The following PCDH15 variants were observed in gnomAD, a reference collection of about 807,000 sequenced individuals.
PCDH15 encodes the protein protocadherin-15.
Under a neutral mutation model 178.5 loss-of-function variants are expected in PCDH15, and 129 were observed. The observed-to-expected ratio is 0.72, with a 90% CI of 0.63 to 0.84. The LOEUF (loss-of-function observed/expected upper bound fraction) is 0.84, where lower values mean the gene tolerates loss of function less well. PCDH15 is among the 40% of genes least tolerant of loss of function. The pLI, the probability that PCDH15 is intolerant of heterozygous loss-of-function variation, is 0.00. For missense variants in PCDH15, 2,230 were observed against 2,099.9 expected (o/e 1.06, Z -1.21); for synonymous variants, 800 against 732.0 (o/e 1.09, Z -1.50).
Position 54,329,700 on chromosome 10 carries a change from T to C in PCDH15, c.601A>G (p.Asn201Asp), listed in dbSNP as rs546661123. ...IQYNPDDPTS[N>D]DTFEIPLMLT... ...ATTAGGGGAATTTCAAAGGTGTCAT[T>C]GGATGTCTGCAAATATTAAAGATAC... Residue 201 changes from asparagine to aspartate, a missense_variant, in exon 7 of 38, where the codon AAT becomes GAT. By Grantham distance (23) the Asn-to-Asp change is conservative. Transcript: ENST00000644397. The C allele has an allele frequency of 1.3e-6, 2 of 1,564,170 alleles. No individual in the cohort carries two copies. The highest frequency in any genetic ancestry group is 2.2e-5 in the South Asian group (2 of 90,120).
chr10:54,220,825 AAAAT>A (rs10595887), intron 9 of PCDH15, among the ~76,000 whole-genome samples: 41,210 of 142,912 alleles, frequency 0.29, 6,093 homozygotes, highest in Admixed American at 0.32. Context: ...ACTCCGTCTC[AAAAT>A]AAATAAATAA....
chr10:55,537,906 T>G (rs997316989), intron 2 of PCDH15, among the ~76,000 whole-genome samples: 7 of 152,226 alleles, frequency 4.6e-5, no homozygotes, highest in African/African-American at 1.7e-4. Flanking sequence ...ATTTGTTCTA[T>G]CTATAAAATA....
At chr10:54,823,752 C>G (rs150774828) in intron 3 of PCDH15, among the ~76,000 whole-genome samples, 145 of 152,110 alleles carry the variant, frequency 9.5e-4, no homozygotes, top group African/African-American at 2.6e-3. Flanking sequence ...TGAAGGCTTA[C>G]TCCAGCATGT....
In PCDH15 at chr10:54,020,385, G is replaced by A; in HGVS notation, c.2558C>T (p.Ser853Phe). ...CACTTCTGGGCTTCTTATCCGGTAA[G>A]ACACATTTGCTCCAAGGTCGACATC... ...AKDVDLGANV[S>F]YRIRSPEVKH... The change falls in exon 20 of 38, where the codon TCT (serine) becomes TTT (phenylalanine). Residue 853 changes from serine to phenylalanine, a missense_variant. Coordinates refer to ENST00000644397, the MANE Select transcript of PCDH15 (RefSeq NM_001384140.1). The A allele has an allele frequency of 6.2e-7, 1 of 1,613,784 alleles. No individual in the cohort carries two copies. Among genetic ancestry groups the A allele is most frequent in the Non-Finnish European group, 8.5e-7 (1 of 1,179,774 alleles).
intron 2 of PCDH15, among the ~76,000 whole-genome samples, chr10:54,547,410 C>T (rs2085983606): frequency 6.6e-6 from 1 of 152,028 alleles, no homozygotes; most frequent in Non-Finnish European, 1.5e-5. Context: ...AATAATACTA[C>T]AATAAAATGA....
At chr10:54,398,983 G>A (rs534474547) in intron 3 of PCDH15, among the ~76,000 whole-genome samples, 1 of 152,202 alleles carries the variant, frequency 6.6e-6, no homozygotes, top group Admixed American at 6.5e-5. Flanking sequence ...TTCTGCCACA[G>A]TAAACTGTCT....
chr10:55,084,398 C>A (rs779228936), intron 2 of PCDH15, among the ~76,000 whole-genome samples: 1 of 150,042 alleles, frequency 6.7e-6, no homozygotes, highest in Non-Finnish European at 1.5e-5. Context: ...AGACCCCTAT[C>A]TCTTGCCATA....
intron 2 of PCDH15, chr10:54,600,650 T>C (rs1257159682): frequency 3.5e-6 from 2 of 573,866 alleles, no homozygotes; most frequent in Non-Finnish European, 6.7e-6. Context: ...TCACTTCACA[T>C]GCCGTAATAA....
intron 26 of PCDH15, among the ~76,000 whole-genome samples, chr10:53,884,803 A>G (rs1415731894): frequency 6.6e-6 from 1 of 152,156 alleles, no homozygotes; most frequent in African/African-American, 2.4e-5. Flanking sequence ...AGATAATTCA[A>G]TGATTTAATT....
At chr10:54,231,982 T>C (rs972224936) in intron 9 of PCDH15, among the ~76,000 whole-genome samples, 2 of 152,226 alleles carry the variant, frequency 1.3e-5, no homozygotes, top group Non-Finnish European at 2.9e-5. Context: ...CAGTTAATTC[T>C]GAAATCAGTT....
At chr10:55,465,385 G>A (rs1386175958) in intron 2 of PCDH15, among the ~76,000 whole-genome samples, 2 of 152,156 alleles carry the variant, frequency 1.3e-5, no homozygotes, top group African/African-American at 4.8e-5. Context: ...TACATGCACA[G>A]GTGTATTGTA....
At chr10:54,249,810 A>G (rs543818646) in intron 8 of PCDH15, among the ~76,000 whole-genome samples, 1 of 152,260 alleles carries the variant, frequency 6.6e-6, no homozygotes, top group African/African-American at 2.4e-5. Context: ...TGAATAGTAA[A>G]GACTTAATAC....
chr10:54,811,263 C>T (rs1180027194), intron 3 of PCDH15, among the ~76,000 whole-genome samples: 2 of 151,724 alleles, frequency 1.3e-5, no homozygotes, highest in African/African-American at 2.4e-5. Context: ...AAATATTTTT[C>T]CTGAGAAAAA....
intron 3 of PCDH15, among the ~76,000 whole-genome samples, chr10:54,393,828 T>A (rs1228638706): frequency 1.3e-5 from 2 of 152,280 alleles, no homozygotes; most frequent in African/African-American, 4.8e-5. Flanking sequence ...AAGTTTCTCA[T>A]TATATACAAC....
chr10:54,674,476 T>G (rs2094742844), intron 1 of PCDH15, among the ~76,000 whole-genome samples: 2 of 152,118 alleles, frequency 1.3e-5, no homozygotes, highest in Admixed American at 1.3e-4. Context: ...ACTCAAAGTC[T>G]AATACAGAAA....
At chr10:54,172,692 T>C (rs1160861613) in intron 13 of PCDH15, among the ~76,000 whole-genome samples, 1 of 152,214 alleles carries the variant, frequency 6.6e-6, no homozygotes, top group Non-Finnish European at 1.5e-5. Context: ...GTCAAATATC[T>C]AGTAAACCAG....
intron 3 of PCDH15, among the ~76,000 whole-genome samples, chr10:54,465,219 T>C (rs1363776036): frequency 6.6e-6 from 1 of 152,106 alleles, no homozygotes; most frequent in East Asian, 1.9e-4. Context: ...TCATAGTATT[T>C]ATTCCCTAGA....
At chr10:54,990,870 T>G (rs1839482490) in intron 2 of PCDH15, among the ~76,000 whole-genome samples, 1 of 152,154 alleles carries the variant, frequency 6.6e-6, no homozygotes, top group African/African-American at 2.4e-5. Flanking sequence ...ACTGTTTTAG[T>G]TTTCTCATAG....
At position 53,840,411 on chromosome 10, in the gene PCDH15, A is replaced by G. The variant is rs1369514355; in HGVS notation, c.3892T>C (p.Phe1298Leu). 2 of 1,614,048 alleles carry G rather than the reference A, an allele frequency of 1.2e-6. No individual in the cohort carries two copies. The highest frequency in any genetic ancestry group is 2.2e-5 in the South Asian group (2 of 91,082). ...CATTTGGTGTAATCTTCTAGGGAAAAGGCATCTCCATGCCGGCGAGCTCCA... is the reference window on the plus strand; with the variant it reads ...CATTTGGTGTAATCTTCTAGGGAAAGGGCATCTCCATGCCGGCGAGCTCCA... ...SIGARRHGDA[F>L]SLEDYTKCDL... is the part of the protein sequence containing the mutation. The change falls in exon 29 of 38, where the codon TTT (phenylalanine) becomes CTT (leucine). Residue 1298 changes from phenylalanine to leucine, a missense_variant. Physicochemically the swap from Phe to Leu is conservative, Grantham distance 22. Coordinates refer to ENST00000644397, the MANE Select transcript of PCDH15 (RefSeq NM_001384140.1).
Sources: allele counts gnomAD v4.1 joint callset (sites outside exome capture counted in the v4.1 genomes callset), GRCh38; gene constraint gnomAD v4.1.1; transcripts MANE v1.5; gene names NCBI Gene and HGNC (gene_info 2026-07-23, HGNC 2026-07-21).